Variants in MTRF1 observed in about 807,000 individuals in gnomAD.
MTRF1 encodes peptide chain release factor 1, mitochondrial.
Under a neutral mutation model 62.9 loss-of-function variants are expected in MTRF1, and 51 were observed. The ratio of observed to expected loss-of-function variants is 0.81; its 90% CI spans 0.65 to 1.02. The LOEUF (loss-of-function observed/expected upper bound fraction) is 1.02, where lower values mean the gene tolerates loss of function less well. Ranked by LOEUF, MTRF1 falls within the 50% of genes least tolerant of loss-of-function variation. The pLI is 0.00. For synonymous variants in MTRF1, 158 were observed against 181.9 expected, an observed-to-expected ratio of 0.87 and a Z score of 1.06; for missense variants, 446 against 530.0, an observed-to-expected ratio of 0.84 and a Z score of 1.56.
chr13:41,279,566 G>A, the MTRF1 span, among the ~76,000 whole-genome samples: 4 of 152,290 alleles, frequency 2.6e-5, no homozygotes, highest in East Asian at 1.9e-4. Context: ...CCTAAGGGGT[G>A]TAGGGAGTCA....
chr13:41,273,241 G>A, the MTRF1 span, among the ~76,000 whole-genome samples: 1 of 151,872 alleles, frequency 6.6e-6, no homozygotes, highest in Admixed American at 6.6e-5. Context: ...CAGGAGAATG[G>A]CATGAACCCG....
chr13:41,259,712 A>AAAAAAAAAAAAAACAAAAAAAAAC (rs1555268029), intron 2 of MTRF1, among the ~76,000 whole-genome samples: 2 of 136,766 alleles, frequency 1.5e-5, no homozygotes, highest in African/African-American at 5.5e-5. Context: ...AAAAAAAAAA[A>AAAAAAAAAAAAAACAAAAAAAAAC]AAAAAAAAAC....
chr13:41,234,895 C>G (rs2036212618), intron 6 of MTRF1, among the ~76,000 whole-genome samples: 1 of 152,060 alleles, frequency 6.6e-6, no homozygotes, highest in Admixed American at 6.6e-5. Context: ...GGTTCTGGGG[C>G]CAATTTGGAC....
At chr13:41,311,612 C>G in the MTRF1 span, 4 of 1,591,580 alleles carry the variant, frequency 2.5e-6, no homozygotes, top group Non-Finnish European at 3.4e-6. Context: ...GCTGCCGCCC[C>G]CCGGTCCCCG....
At chr13:41,262,450 A>C (rs1039836447) in intron 1 of MTRF1, 1 of 152,236 alleles carries the variant, frequency 6.6e-6, no homozygotes, top group Admixed American at 6.5e-5. Context: ...GTGTTTTCCA[A>C]GTTTCTTGCA....
chr13:41,293,268 G>A, the MTRF1 span, among the ~76,000 whole-genome samples: 1 of 152,100 alleles, frequency 6.6e-6, no homozygotes, highest in Non-Finnish European at 1.5e-5. Context: ...GGATAAATTA[G>A]TGCTCATATA....
chr13:41,264,296 A>T (rs2040763411), upstream of MTRF1, among the ~76,000 whole-genome samples: 1 of 152,256 alleles, frequency 6.6e-6, no homozygotes, highest in Non-Finnish European at 1.5e-5. Flanking sequence ...TGTTCTTTGC[A>T]CATGGGAATG....
Position 41,260,637 on chromosome 13 carries a change from G to A in MTRF1, c.271C>T (p.Gln91Ter). The change falls in exon 2 of 10, where the codon CAA becomes TAA. Residue 91 changes from glutamine (Q) to a stop codon, truncating the protein, a stop_gained. Coordinates refer to ENST00000379480, the MANE Select transcript of MTRF1 (RefSeq NM_004294.4). LOFTEE classifies it high-confidence loss of function. ...NLSKEYQTLE[Q>*]CLQHIPVNEE... is the part of the protein sequence containing the mutation. ...TTCACAGGGATATGCTGCAGACATT[G>A]CTCAAGTGTTTGGTACTCCTTACTC... 3.1e-6 allele frequency: 5 copies of A among 1,614,124 alleles called. No homozygotes were observed. The highest frequency in any genetic ancestry group is 4.2e-6 in the Non-Finnish European group (5 of 1,180,004).
At chr13:41,263,084 C>T (rs3818721) in intron 1 of MTRF1, among the ~76,000 whole-genome samples, 94,581 of 152,034 alleles carry the variant, frequency 0.62, 29,767 homozygotes, top group Admixed American at 0.65. Flanking sequence ...ATTTCAAGCA[C>T]GTTAGAGAAA....
the MTRF1 span, among the ~76,000 whole-genome samples, chr13:41,277,129 C>CT: frequency 0.093 from 13,141 of 142,010 alleles, 759 homozygotes; most frequent in East Asian, 0.24. Flanking sequence ...ATCAATTAAA[C>CT]TTTTTTTTTT....
the MTRF1 span, among the ~76,000 whole-genome samples, chr13:41,269,199 G>GTTTTTTTTTTTTTTTTTTTTTTTTTGTT: frequency 2.9e-5 from 2 of 68,700 alleles, no homozygotes; most frequent in Non-Finnish European, 5.7e-5. Flanking sequence ...TTTTTTTTTG[G>GTTTTTTTTTTTTTTTTTTTTTTTTTGTT]TTTTTTTTTT....
At chr13:41,279,757 C>A in the MTRF1 span, among the ~76,000 whole-genome samples, 1 of 152,128 alleles carries the variant, frequency 6.6e-6, no homozygotes, top group Non-Finnish European at 1.5e-5. Context: ...TGGGAAAAAT[C>A]CACATTCTAT....
At chr13:41,303,316 G>A in the MTRF1 span, among the ~76,000 whole-genome samples, 4 of 152,094 alleles carry the variant, frequency 2.6e-5, no homozygotes, top group Non-Finnish European at 5.9e-5. Context: ...ATCCAAAGGG[G>A]ACTTGAAACT....
chr13:41,226,785 A>G (rs1217964763), intron 7 of MTRF1, among the ~76,000 whole-genome samples: 3 of 152,234 alleles, frequency 2.0e-5, no homozygotes, highest in Admixed American at 6.5e-5. Context: ...ATGAGCACCC[A>G]GAAAGCAGCA....
At chr13:41,280,588 T>G in the MTRF1 span, among the ~76,000 whole-genome samples, 9 of 152,150 alleles carry the variant, frequency 5.9e-5, no homozygotes, top group African/African-American at 2.2e-4. Flanking sequence ...CACACCTTTC[T>G]GGACCAATGT....
intron 8 of MTRF1, among the ~76,000 whole-genome samples, chr13:41,224,568 G>C (rs554551678): frequency 1.3e-5 from 2 of 152,228 alleles, no homozygotes; most frequent in East Asian, 3.9e-4. Flanking sequence ...CTGACAATCA[G>C]CCAAGTTTGG....
chr13:41,278,863 G>A, the MTRF1 span, among the ~76,000 whole-genome samples: 1 of 152,216 alleles, frequency 6.6e-6, no homozygotes, highest in African/African-American at 2.4e-5. Flanking sequence ...GAGCATTCCA[G>A]AGTTAGCCTG....
At chr13:41,245,832 T>G (rs1278162243) in intron 5 of MTRF1, among the ~76,000 whole-genome samples, 1 of 152,214 alleles carries the variant, frequency 6.6e-6, no homozygotes, top group East Asian at 1.9e-4. Flanking sequence ...ACCTGCTTTC[T>G]GGGACTTCCT....
At chr13:41,269,034 A>G in the MTRF1 span, among the ~76,000 whole-genome samples, 1 of 150,698 alleles carries the variant, frequency 6.6e-6, no homozygotes, top group African/African-American at 2.4e-5. Context: ...TTTTTTTTAA[A>G]ACCAGTCATT....
Sources: allele counts gnomAD v4.1 joint callset (sites outside exome capture counted in the v4.1 genomes callset), GRCh38; gene constraint gnomAD v4.1.1; transcripts MANE v1.5; gene names NCBI Gene and HGNC (gene_info 2026-07-23, HGNC 2026-07-21).